Variants in MCF2L observed in about 807,000 individuals in gnomAD.
MCF2L encodes guanine nucleotide exchange factor DBS.
Under a neutral mutation model 153.4 loss-of-function variants are expected in MCF2L, and 97 were observed. The ratio of observed to expected loss-of-function variants is 0.63; its 90% CI spans 0.54 to 0.75. The LOEUF (loss-of-function observed/expected upper bound fraction) is 0.75, where lower values mean the gene tolerates loss of function less well. Ranked by LOEUF, MCF2L falls within the 30% of genes least tolerant of loss-of-function variation. The pLI is 0.00. For missense variants in MCF2L, 1,347 were observed against 1,495.2 expected (o/e 0.90, Z 1.64); for synonymous variants, 659 against 632.2 (o/e 1.04, Z -0.64).
chr13:112,981,985 C>T (rs377556701), intron 1 of MCF2L, among the ~76,000 whole-genome samples: 3 of 152,184 alleles, frequency 2.0e-5, no homozygotes, highest in African/African-American at 7.2e-5. Flanking sequence ...GGGCAGGCCC[C>T]GGTCAGGGCT....
chr13:113,024,791 G>T (rs770212704), intron 3 of MCF2L, 33 bp downstream of exon 3: 1 of 1,545,034 alleles, frequency 6.5e-7, no homozygotes, highest in South Asian at 1.1e-5. Flanking sequence ...AGACATTGTG[G>T]TTTGGGGCAG....
chr13:113,006,346 G>A (rs1036293982), intron 1 of MCF2L, among the ~76,000 whole-genome samples: 5 of 152,176 alleles, frequency 3.3e-5, no homozygotes, highest in African/African-American at 1.2e-4. Context: ...GGATGATGAG[G>A]CTTCATGCTC....
intron 1 of MCF2L, among the ~76,000 whole-genome samples, chr13:112,986,087 C>T (rs192206324): frequency 2.2e-4 from 34 of 152,378 alleles, no homozygotes; most frequent in African/African-American, 7.7e-4. Flanking sequence ...CTTCATTCCA[C>T]CTCGAAATCC....
intron 2 of MCF2L, among the ~76,000 whole-genome samples, chr13:112,950,152 A>AT (rs1381611177): frequency 1.6e-3 from 148 of 93,716 alleles, no homozygotes; most frequent in Non-Finnish European, 2.2e-4. Context: ...ATTTAAAATT[A>AT]CAAAAAAAAA....
chr13:113,000,936 G>A (rs2083342341), intron 1 of MCF2L, among the ~76,000 whole-genome samples: 1 of 152,148 alleles, frequency 6.6e-6, no homozygotes. Context: ...CAGGAGATGT[G>A]CGTTGACTCC....
chr13:112,971,670 G>C (rs538968090), intron 1 of MCF2L, among the ~76,000 whole-genome samples: 1 of 152,338 alleles, frequency 6.6e-6, no homozygotes, highest in South Asian at 2.1e-4. Context: ...GGAGGATAAT[G>C]TGTGCTGTCC....
rs376729854 is a variant in MCF2L at position 113,094,540 on chromosome 13, G to C, written c.2980G>C (p.Glu994Gln). ...KGWSKTSHSL[E>Q]APEDDGGWSS... The stretch of plus-strand genomic sequence containing the variant: ...TTGGAGCAAAACGTCCCACTCACTG[G>C]AGGCACCTGAGGACGACGGGGGCTG... The change falls in exon 27 of 30, where the codon GAG (glutamate) becomes CAG (glutamine). Residue 994 changes from glutamate to glutamine, a missense_variant. Coordinates refer to ENST00000535094, the MANE Select transcript of MCF2L (RefSeq NM_001112732.3). 1.9e-5 allele frequency: 31 copies of C among 1,612,282 alleles called. No homozygotes were observed. Among genetic ancestry groups the C allele is most frequent in the Non-Finnish European group, 2.6e-5 (31 of 1,179,632 alleles).
intron 7 of MCF2L, 81 bp downstream of exon 7, chr13:113,065,166 CG>C (rs753233384): frequency 3.3e-6 from 5 of 1,536,446 alleles, no homozygotes; most frequent in East Asian, 2.3e-5. Flanking sequence ...TCGGAAGCTG[CG>C]GGGGGTCTTT....
At chr13:112,911,245 G>T (rs1459871330) in intron 2 of MCF2L, among the ~76,000 whole-genome samples, 1 of 152,222 alleles carries the variant, frequency 6.6e-6, no homozygotes, top group Non-Finnish European at 1.5e-5. Context: ...CTGGTCAGAG[G>T]TGATGGCCAG....
chr13:112,988,016 A>G (rs1447609233), intron 1 of MCF2L, among the ~76,000 whole-genome samples: 1 of 152,246 alleles, frequency 6.6e-6, no homozygotes, highest in Admixed American at 6.5e-5. Flanking sequence ...TGCTCTGAAT[A>G]AACAGTGTGT....
Position 112,904,716 on chromosome 13 carries a change from T to C in MCF2L, c.169+2345T>C, listed in dbSNP as rs369325406. On this transcript the variant is annotated intron_variant, in intron 2 of 29. Coordinates refer to the MCF2L transcript ENST00000375608. The surrounding 1 kb of genome is among the most constrained non-coding windows in gnomAD (Gnocchi z 4.2). ...CTGGCTGTCCTTGCCTCGTCTGCTCTGTGGAAAGAGAAGCGCACGGCGTGG... is the reference window on the plus strand; with the variant it reads ...CTGGCTGTCCTTGCCTCGTCTGCTCCGTGGAAAGAGAAGCGCACGGCGTGG... Among the ~76,000 whole-genome samples the C allele has an allele frequency of 1.4e-4, 22 of 152,340 alleles. No individual in the cohort carries two copies. Among genetic ancestry groups the C allele is most frequent in the African/African-American group, 5.3e-4 (22 of 41,586 alleles).
At chr13:113,039,024 A>T (rs1456445773) in intron 3 of MCF2L, among the ~76,000 whole-genome samples, 1 of 151,708 alleles carries the variant, frequency 6.6e-6, no homozygotes, top group Non-Finnish European at 1.5e-5. Context: ...CGCCCTGCTG[A>T]TTTTTTTTGT....
chr13:113,014,161 G>A (rs2084358842), intron 1 of MCF2L, among the ~76,000 whole-genome samples: 2 of 152,262 alleles, frequency 1.3e-5, no homozygotes, highest in African/African-American at 2.4e-5. Context: ...TGCGTCCAGA[G>A]CCATCTGGAA....
chr13:113,084,161 T>C, intron 18 of MCF2L, 94 bp downstream of exon 18: 1 of 1,038,766 alleles, frequency 9.6e-7, no homozygotes, highest in Non-Finnish European at 1.5e-6. Flanking sequence ...TCTAACCAAC[T>C]GAAATCACAA....
Position 112,983,862 on chromosome 13 carries a change from TG to T in MCF2L, c.79+14407del, listed in dbSNP as rs2082531432. ...CTCCCCGTGCTGCAGCTGTTTTCCTTGGGTTGAGCACTGAAAAGAGCCCCTT... is the reference window on the plus strand; with the variant it reads ...CTCCCCGTGCTGCAGCTGTTTTCCTTGGTTGAGCACTGAAAAGAGCCCCTT... On this transcript the variant is annotated intron_variant, in intron 1 of 29. Transcript: ENST00000535094. This position sits in a 1 kb window ranked among gnomAD's most constrained non-coding sequence, Gnocchi z 4.0. Among the ~76,000 whole-genome samples the T allele has an allele frequency of 6.6e-6, 1 of 152,172 alleles. No homozygotes were observed. Among genetic ancestry groups the T allele is most frequent in the Non-Finnish European group, 1.5e-5 (1 of 68,028 alleles).
At chr13:113,088,455 AT>A in intron 24 of MCF2L, 50 bp downstream of exon 24, 1 of 1,609,112 alleles carries the variant, frequency 6.2e-7, no homozygotes. Flanking sequence ...CTCCAGGTGC[AT>A]TTTTACCTAT....
intron 1 of MCF2L, among the ~76,000 whole-genome samples, chr13:112,973,721 A>G (rs2082127058): frequency 6.6e-6 from 1 of 152,094 alleles, no homozygotes; most frequent in South Asian, 2.1e-4. Context: ...TGCTCTGAGG[A>G]CACTGGGGGG....
intron 1 of MCF2L, among the ~76,000 whole-genome samples, chr13:113,000,934 G>A (rs1375956052): frequency 6.6e-6 from 1 of 152,110 alleles, no homozygotes; most frequent in Non-Finnish European, 1.5e-5. Flanking sequence ...CTCAGGAGAT[G>A]TGCGTTGACT....
At chr13:112,976,850 G>C (rs536355666) in intron 1 of MCF2L, among the ~76,000 whole-genome samples, 1 of 152,352 alleles carries the variant, frequency 6.6e-6, no homozygotes, top group Non-Finnish European at 1.5e-5. Flanking sequence ...ACCTGGTCCA[G>C]CAGGGCTGGC....
Sources: gnomAD v4.1 joint callset for allele counts (sites outside exome capture counted in the v4.1 genomes callset) on GRCh38, gnomAD v4.1.1 for gene constraint, Gnocchi (gnomAD v3.1) non-coding constraint, MANE v1.5 for transcripts, NCBI Gene and HGNC (gene_info 2026-07-23, HGNC 2026-07-21) for gene names.